NECAB1: variants seen among roughly 807,000 people sequenced by gnomAD.
NECAB1 encodes the protein N-terminal EF-hand calcium binding protein 1, also known as N-terminal EF-hand calcium-binding protein 1.
A neutral mutation model predicts 57.5 loss-of-function variants in NECAB1; 29 were observed. That is an observed-to-expected ratio of 0.50 (90% CI 0.38 to 0.69). The LOEUF (loss-of-function observed/expected upper bound fraction) is 0.69, where lower values mean the gene tolerates loss of function less well. Among genes scored for constraint, NECAB1 ranks in the 30% least tolerant of loss-of-function variants. The pLI is 0.00. For missense variants in NECAB1, 372 were observed against 413.8 expected (o/e 0.90, Z 0.88); for synonymous variants, 142 against 147.7 (o/e 0.96, Z 0.28).
At chr8:90,847,689 T>A (rs531162501) in intron 3 of NECAB1, among the ~76,000 whole-genome samples, 2 of 152,194 alleles carry the variant, frequency 1.3e-5, no homozygotes, top group Non-Finnish European at 2.9e-5. Flanking sequence ...GTTCTTGACT[T>A]CTCTGCACCC....
Position 90,853,070 on chromosome 8 carries a change from G to T in NECAB1, c.234-19058G>T, listed in dbSNP as rs374588830. ...CATTCTGGGGCTTCAGGGGTCAAAG[G>T]CAGCCCCCTTGAGGCTGCCATGGGG... On this transcript the variant is annotated intron_variant, in intron 3 of 12. Coordinates refer to ENST00000417640, the MANE Select transcript of NECAB1 (RefSeq NM_022351.5). Among the ~76,000 whole-genome samples the T allele has an allele frequency of 2.0e-5, 3 of 152,232 alleles. No homozygotes were observed. The East Asian group carries it at 5.8e-4, about 29-fold the overall frequency.
intron 5 of NECAB1, among the ~76,000 whole-genome samples, chr8:90,898,562 CTG>C (rs1220922271): frequency 6.6e-6 from 1 of 152,176 alleles, no homozygotes; most frequent in Non-Finnish European, 1.5e-5. Context: ...GCTGCTTGGA[CTG>C]TGCTTCCTAT....
At chr8:90,797,308 T>A (rs1352254605) in intron 1 of NECAB1, among the ~76,000 whole-genome samples, 1 of 152,238 alleles carries the variant, frequency 6.6e-6, no homozygotes, top group Non-Finnish European at 1.5e-5. Flanking sequence ...ACCTACCTGT[T>A]GCTGGAACAG....
chr8:90,949,814 A>G lies in NECAB1; in HGVS notation c.868A>G (p.Ile290Val), dbSNP rs759030628. ...SSQSGCLRIS[I>V]QKLSNESRYM... Reference sequence around the variant, plus strand: ...TTTTATTTTCCATTTCAGTATTTCTATACAGAAGCTTTCAAATGAATCTCG... The same window carrying G: ...TTTTATTTTCCATTTCAGTATTTCTGTACAGAAGCTTTCAAATGAATCTCG... Residue 290 changes from isoleucine (I) to valine (V), a missense_variant, in exon 11 of 13, where the codon ATA becomes GTA. Physicochemically the swap from Ile to Val is conservative, Grantham distance 29. Transcript: ENST00000417640. 16 of 1,598,448 alleles carry G rather than the reference A, an allele frequency of 1.0e-5. No homozygotes were observed. Among genetic ancestry groups the G allele is most frequent in the African/African-American group, 1.3e-5 (1 of 74,634 alleles).
chr8:90,797,466 T>G (rs1413249068), intron 1 of NECAB1, among the ~76,000 whole-genome samples: 1 of 152,140 alleles, frequency 6.6e-6, no homozygotes, highest in Non-Finnish European at 1.5e-5. Flanking sequence ...AACAGACAAC[T>G]TGGGAATAAA....
intron 12 of NECAB1, among the ~76,000 whole-genome samples, chr8:90,952,045 A>C (rs544291516): frequency 6.6e-6 from 1 of 152,276 alleles, no homozygotes; most frequent in African/African-American, 2.4e-5. Context: ...CGAGAGAGTA[A>C]GAAGTGAGGT....
At chr8:90,900,515 G>A (rs1809475801) in intron 5 of NECAB1, among the ~76,000 whole-genome samples, 1 of 152,170 alleles carries the variant, frequency 6.6e-6, no homozygotes, top group Non-Finnish European at 1.5e-5. Context: ...CATAGTATGA[G>A]TCAATGGCAA....
intron 5 of NECAB1, among the ~76,000 whole-genome samples, chr8:90,906,893 A>ATATATATATACGTATGTATATATATATG (rs1809683247): frequency 7.3e-6 from 1 of 137,550 alleles, no homozygotes; most frequent in African/African-American, 2.8e-5. Context: ...ATATATATAT[A>ATATATATATACGTATGTATATATATATG]TATATATATA....
At chr8:90,954,264 A>G (rs1215084208) in intron 12 of NECAB1, among the ~76,000 whole-genome samples, 1 of 152,060 alleles carries the variant, frequency 6.6e-6, no homozygotes, top group Non-Finnish European at 1.5e-5. Flanking sequence ...TAAGACTACT[A>G]AGTGGTTTAC....
At chr8:90,804,914 T>G (rs1447479234) in intron 2 of NECAB1, among the ~76,000 whole-genome samples, 1 of 152,202 alleles carries the variant, frequency 6.6e-6, no homozygotes, top group Non-Finnish European at 1.5e-5. Flanking sequence ...ATCCATAAAG[T>G]TACCAGGCAA....
chr8:90,826,435 G>A (rs565433989), intron 3 of NECAB1, among the ~76,000 whole-genome samples: 3 of 151,836 alleles, frequency 2.0e-5, no homozygotes, highest in Admixed American at 6.6e-5. Context: ...TCCTTAAATC[G>A]CTACTGGGGA....
At chr8:90,883,899 T>C (rs1356234101) in intron 5 of NECAB1, among the ~76,000 whole-genome samples, 2 of 152,194 alleles carry the variant, frequency 1.3e-5, no homozygotes, top group African/African-American at 4.8e-5. Flanking sequence ...GCAGCATTAG[T>C]ATGTGAAGTG....
intron 3 of NECAB1, among the ~76,000 whole-genome samples, chr8:90,860,977 A>G (rs755577382): frequency 2.0e-5 from 3 of 152,118 alleles, no homozygotes; most frequent in Non-Finnish European, 4.4e-5. Flanking sequence ...ATCTCTCACT[A>G]ATTAATAGAT....
In NECAB1 at chr8:90,927,610, TACACACAC is replaced by T. The variant is rs71560287; in HGVS notation, c.617-588_617-581del. Among the ~76,000 whole-genome samples the T allele has an allele frequency of 6.7e-4, 97 of 143,946 alleles. 1 individual carries two copies. Among genetic ancestry groups the T allele is most frequent in the African/African-American group, 2.2e-3 (85 of 39,030 alleles). 94.4% of individuals were successfully genotyped at this position (143,946 alleles called of 152,430 possible). A position where few individuals can be genotyped will look rare whatever the true frequency, so the allele number is the denominator to read the frequency against. On this transcript the variant is annotated intron_variant, in intron 7 of 12. Transcript: ENST00000417640. ...CTATAACGTTTAACTTGGTGCTAGA[TACACACAC>T]ACACACACACACACACACACACACT...
At chr8:90,840,688 C>T (rs976613953) in intron 3 of NECAB1, among the ~76,000 whole-genome samples, 6 of 152,068 alleles carry the variant, frequency 3.9e-5, no homozygotes, top group African/African-American at 1.2e-4. Flanking sequence ...GGTGATATGT[C>T]AATATATGAG....
intron 3 of NECAB1, among the ~76,000 whole-genome samples, chr8:90,869,386 C>A (rs1390705376): frequency 6.6e-6 from 1 of 152,158 alleles, no homozygotes; most frequent in Admixed American, 6.6e-5. Flanking sequence ...AATCCACTGA[C>A]GAGTTTCACT....
intron 2 of NECAB1, chr8:90,813,309 C>T (rs921225222): frequency 7.3e-5 from 11 of 151,694 alleles, no homozygotes; most frequent in Non-Finnish European, 1.5e-4. Context: ...AATTTCATTT[C>T]TCCAAATAAT....
chr8:90,848,515 C>G (rs1201409993), intron 3 of NECAB1, among the ~76,000 whole-genome samples: 1 of 151,904 alleles, frequency 6.6e-6, no homozygotes, highest in African/African-American at 2.4e-5. Flanking sequence ...TTTCACACTA[C>G]TAATAAAGAA....
At chr8:90,811,536 C>G (rs1811960621) in intron 2 of NECAB1, among the ~76,000 whole-genome samples, 1 of 152,144 alleles carries the variant, frequency 6.6e-6, no homozygotes, top group African/African-American at 2.4e-5. Flanking sequence ...TCAATTAGGA[C>G]CAATTCAGTT....
Sources: gnomAD v4.1 joint callset for allele counts (sites outside exome capture counted in the v4.1 genomes callset) on GRCh38, gnomAD v4.1.1 for gene constraint, MANE v1.5 for transcripts, NCBI Gene and HGNC (gene_info 2026-07-23, HGNC 2026-07-21) for gene names.